The following CDK19 variants were observed in gnomAD, a reference collection of about 807,000 sequenced individuals.
CDK19 encodes cyclin dependent kinase 19, also known as cyclin-dependent kinase 19.
Under a neutral mutation model 68.3 loss-of-function variants are expected in CDK19, and 20 were observed. That is an observed-to-expected ratio of 0.29 (90% confidence interval 0.21 to 0.43). The LOEUF (loss-of-function observed/expected upper bound fraction) is 0.43, where lower values mean the gene tolerates loss of function less well. Ranked by LOEUF, CDK19 falls within the 20% of genes least tolerant of loss-of-function variation. CDK19 has a pLI of 1.00. For synonymous variants in CDK19, 221 were observed against 222.8 expected (o/e 0.99, Z 0.07); for missense variants, 339 against 623.5 (o/e 0.54, Z 4.86).
intron 2 of CDK19, among the ~76,000 whole-genome samples, chr6:110,672,776 T>C (rs1355625271): frequency 6.6e-6 from 1 of 152,198 alleles, no homozygotes; most frequent in Non-Finnish European, 1.5e-5. Context: ...ATATCAATAT[T>C]AGAAATACTT....
At chr6:110,707,093 C>G (rs1774574101) in intron 2 of CDK19, among the ~76,000 whole-genome samples, 1 of 151,536 alleles carries the variant, frequency 6.6e-6, no homozygotes, top group Admixed American at 6.6e-5. Context: ...GGCCGATCAC[C>G]TGAGGTCAGG....
chr6:110,719,295 G>A (rs1163636145), intron 2 of CDK19, among the ~76,000 whole-genome samples: 1 of 152,060 alleles, frequency 6.6e-6, no homozygotes, highest in Admixed American at 6.6e-5. Flanking sequence ...GACCAGCCTG[G>A]GCAACACAGT....
rs372763822 is a variant in CDK19 at position 110,685,664 on chromosome 6, T to C, written c.205-15123A>G. The stretch of plus-strand genomic sequence containing the variant: ...CAGAATATCTTCCTAAGATAAAAAG[T>C]CTGATAAATTGTTAACTCTCCTACT... On this transcript the variant is annotated intron_variant, in intron 2 of 12. Coordinates refer to ENST00000368911, the MANE Select transcript of CDK19 (RefSeq NM_015076.5). 4.5e-4 allele frequency among the ~76,000 whole-genome samples: 69 copies of C among 152,298 alleles called. 1 individual carries two copies. The South Asian group carries it at 0.01, about 22-fold the overall frequency.
intron 2 of CDK19, among the ~76,000 whole-genome samples, chr6:110,709,597 T>C (rs909695822): frequency 6.6e-6 from 1 of 151,914 alleles, no homozygotes; most frequent in African/African-American, 2.4e-5. Flanking sequence ...ATTATGTAAA[T>C]AGCAAATAGA....
chr6:110,738,688 G>C (rs184690139), intron 2 of CDK19, among the ~76,000 whole-genome samples: 16 of 152,258 alleles, frequency 1.1e-4, no homozygotes, highest in African/African-American at 3.9e-4. Flanking sequence ...TTGGCTTATA[G>C]ACATTTTAGA....
At position 110,614,510 on chromosome 6, in the gene CDK19, GCTGGC is replaced by G. The variant is rs762462429; in HGVS notation, c.*20_*24del. ...TGCTGGAGCCTGTGCTCTGGGCTGGGCTGGCCTGGCCCAACGGGAGCTGGTCAGTA... is the reference window on the plus strand; with the variant it reads ...TGCTGGAGCCTGTGCTCTGGGCTGGGCTGGCCCAACGGGAGCTGGTCAGTA... On this transcript the variant is annotated 3_prime_UTR_variant, in exon 13 of 13. Transcript: ENST00000368911. 3 of 1,610,260 alleles carry G rather than the reference GCTGGC, an allele frequency of 1.9e-6. No individual in the cohort carries two copies. The highest frequency in any genetic ancestry group is 2.5e-6 in the Non-Finnish European group (3 of 1,177,264).
intron 4 of CDK19, among the ~76,000 whole-genome samples, chr6:110,657,601 G>A (rs903591614): frequency 6.6e-6 from 1 of 152,126 alleles, no homozygotes; most frequent in Non-Finnish European, 1.5e-5. Flanking sequence ...TCAAAGTACT[G>A]GGGCTCTGTC....
At chr6:110,698,140 T>C (rs1403341760) in intron 2 of CDK19, among the ~76,000 whole-genome samples, 2 of 151,488 alleles carry the variant, frequency 1.3e-5, no homozygotes, top group African/African-American at 2.4e-5. Context: ...AAAGCAAATG[T>C]AAAAAAAGCA....
At chr6:110,624,621 CCTA>C (rs1214422988) in intron 8 of CDK19, among the ~76,000 whole-genome samples, 1 of 152,116 alleles carries the variant, frequency 6.6e-6, no homozygotes, top group African/African-American at 2.4e-5. Flanking sequence ...AAATTGGAAT[CCTA>C]CTAAAAAATT....
chr6:110,799,697 A>C (rs575245155), intron 1 of CDK19, among the ~76,000 whole-genome samples: 1 of 152,056 alleles, frequency 6.6e-6, no homozygotes, highest in African/African-American at 2.4e-5. Flanking sequence ...TCCCCAGCTC[A>C]AGTGATCTTC....
intron 2 of CDK19, among the ~76,000 whole-genome samples, chr6:110,718,741 T>C (rs147303922): frequency 2.0e-5 from 3 of 150,950 alleles, no homozygotes; most frequent in African/African-American, 4.9e-5. Flanking sequence ...GTGAAAAAAA[T>C]TGCCATTCAC....
chr6:110,752,082 C>A (rs1485764429), intron 1 of CDK19, among the ~76,000 whole-genome samples: 1 of 151,952 alleles, frequency 6.6e-6, no homozygotes, highest in Non-Finnish European at 1.5e-5. Flanking sequence ...CATCTTGTTT[C>A]ATATGGGTAT....
intron 2 of CDK19, among the ~76,000 whole-genome samples, chr6:110,713,581 G>C (rs926210750): frequency 2.0e-5 from 3 of 151,264 alleles, no homozygotes; most frequent in Non-Finnish European, 4.4e-5. Flanking sequence ...ATTTTTTGTA[G>C]AGATGGGGTC....
chr6:110,801,928 G>C (rs1334466546), intron 1 of CDK19, among the ~76,000 whole-genome samples: 1 of 152,144 alleles, frequency 6.6e-6, no homozygotes, highest in Non-Finnish European at 1.5e-5. Context: ...AAACATGGGA[G>C]AAAACACTCA....
chr6:110,797,998 A>G (rs1396304404), intron 1 of CDK19, among the ~76,000 whole-genome samples: 1 of 150,668 alleles, frequency 6.6e-6, no homozygotes, highest in African/African-American at 2.5e-5. Context: ...AAAAAAAAAA[A>G]AAAAAAAGAA....
chr6:110,750,912 C>T (rs1451305586), intron 1 of CDK19, among the ~76,000 whole-genome samples: 3 of 152,172 alleles, frequency 2.0e-5, no homozygotes, highest in Non-Finnish European at 4.4e-5. Context: ...CTTGGCTTCA[C>T]TGCAACCTCC....
In CDK19 at chr6:110,696,305, G is replaced by A. The variant is rs2114609827; in HGVS notation, c.205-25764C>T. 2.0e-5 allele frequency among the ~76,000 whole-genome samples: 3 copies of A among 152,148 alleles called. No homozygotes were observed. In the South Asian group the frequency reaches 6.2e-4, roughly 32 times the overall value. ...TTTGAAAAAATCCAGTATCCCTTTA[G>A]GATTAAAACCACCAACAAAATCAGC... On this transcript the variant is annotated intron_variant, in intron 2 of 12. Coordinates refer to ENST00000368911, the MANE Select transcript of CDK19 (RefSeq NM_015076.5).
intron 1 of CDK19, among the ~76,000 whole-genome samples, chr6:110,780,462 A>C (rs1449141156): frequency 6.7e-6 from 1 of 150,246 alleles, no homozygotes; most frequent in Non-Finnish European, 1.5e-5. Flanking sequence ...ATCAAGGTAT[A>C]TATCAGAAGA....
At chr6:110,656,034 C>G (rs77649642) in intron 4 of CDK19, among the ~76,000 whole-genome samples, 4,238 of 152,288 alleles carry the variant, frequency 0.028, 84 homozygotes, top group South Asian at 0.083. Context: ...TCCCCACCCA[C>G]CTCTCTTCAT....
Sources: allele counts gnomAD v4.1 joint callset (sites outside exome capture counted in the v4.1 genomes callset), GRCh38; gene constraint gnomAD v4.1.1; transcripts MANE v1.5; gene names NCBI Gene and HGNC (gene_info 2026-07-23, HGNC 2026-07-21).